The following CSMD1 variants were observed in gnomAD, a reference collection of about 807,000 sequenced individuals.
CSMD1 encodes the protein CUB and Sushi multiple domains 1.
CSMD1 carries 213 observed loss-of-function variants against 417.5 expected under a neutral mutation model. The observed-to-expected ratio is 0.51, with a 90% confidence interval of 0.46 to 0.57. The LOEUF (loss-of-function observed/expected upper bound fraction) is 0.57, where lower values mean the gene tolerates loss of function less well. CSMD1 is among the 20% of genes least tolerant of loss of function. CSMD1 has a pLI of 0.00. For synonymous variants in CSMD1, 2,862 were observed against 1,736.8 expected, an observed-to-expected ratio of 1.65 and a Z score of -16.11; for missense variants, 6,923 against 4,529.7, an observed-to-expected ratio of 1.53 and a Z score of -15.17.
At chr8:4,669,081 G>A (rs1463695347) in intron 1 of CSMD1, among the ~76,000 whole-genome samples, 1 of 152,022 alleles carries the variant, frequency 6.6e-6, no homozygotes, top group Non-Finnish European at 1.5e-5. Flanking sequence ...AATTTTTACA[G>A]ACTTATAAAG....
intron 1 of CSMD1, among the ~76,000 whole-genome samples, chr8:4,987,145 A>G (rs1202972310): frequency 1.3e-5 from 2 of 152,180 alleles, no homozygotes; most frequent in Non-Finnish European, 2.9e-5. Flanking sequence ...TATCAGAATT[A>G]CCTGGGATGG....
At chr8:4,935,127 C>A (rs953796645) in intron 1 of CSMD1, among the ~76,000 whole-genome samples, 1 of 152,244 alleles carries the variant, frequency 6.6e-6, no homozygotes. Context: ...TAGCTCACCA[C>A]TTTCAATATG....
At chr8:3,727,536 GT>G (rs1563315945) in intron 6 of CSMD1, among the ~76,000 whole-genome samples, 1 of 152,190 alleles carries the variant, frequency 6.6e-6, no homozygotes, top group East Asian at 1.9e-4. Flanking sequence ...TGAGGCAGCT[GT>G]CGTGAAAAAA....
rs142434833 is a variant in CSMD1, at chr8:4,423,523, C to T, written c.303-3458G>A. 1.0e-3 allele frequency among the ~76,000 whole-genome samples: 156 copies of T among 152,020 alleles called. 1 individual carries two copies. Among genetic ancestry groups the T allele is most frequent in the African/African-American group, 3.6e-3 (151 of 41,508 alleles). The stretch of plus-strand genomic sequence containing the variant: ...GCCCAACAGTGTATACAGAAAAGTA[C>T]ACAACACTGAAGAAAAAGTTCAAAG... On this transcript the variant is annotated intron_variant, in intron 2 of 69. Transcript: ENST00000635120.
chr8:3,572,236 T>G (rs1799974954), intron 10 of CSMD1, among the ~76,000 whole-genome samples: 2 of 152,008 alleles, frequency 1.3e-5, no homozygotes, highest in Admixed American at 1.3e-4. Context: ...TGGGGCTGTG[T>G]CAAAAGGAGG....
At chr8:3,747,494 TTTG>T (rs201387203) in intron 6 of CSMD1, among the ~76,000 whole-genome samples, 31 of 132,054 alleles carry the variant, frequency 2.3e-4, no homozygotes, top group Non-Finnish European at 2.6e-4. Context: ...AAATCATACG[TTTG>T]TTTTTTTTCC....
At chr8:3,101,801 T>A (rs913694818) in intron 46 of CSMD1, among the ~76,000 whole-genome samples, 1 of 14,280 alleles carries the variant, frequency 7.0e-5, no homozygotes, top group Admixed American at 1.3e-3. Context: ...TTCTTTTTCT[T>A]TTTTTTTTTT....
chr8:3,169,871 T>G (rs1239354948), intron 37 of CSMD1, among the ~76,000 whole-genome samples: 7 of 152,170 alleles, frequency 4.6e-5, no homozygotes, highest in Admixed American at 1.3e-4. Flanking sequence ...CAGCTCACAT[T>G]CCTTTCCTGA....
chr8:3,458,167 T>G (rs569718400), intron 12 of CSMD1, among the ~76,000 whole-genome samples: 26 of 152,162 alleles, frequency 1.7e-4, no homozygotes, highest in African/African-American at 6.0e-4. Flanking sequence ...ATGTAATCTG[T>G]GAGGATACAT....
chr8:3,245,221 C>T (rs1468251625), intron 26 of CSMD1, among the ~76,000 whole-genome samples: 3 of 152,114 alleles, frequency 2.0e-5, no homozygotes. Flanking sequence ...AGTAGTTGTC[C>T]TTGAGTCCTC....
At chr8:4,617,235 A>C (rs1801521966) in intron 2 of CSMD1, among the ~76,000 whole-genome samples, 1 of 152,216 alleles carries the variant, frequency 6.6e-6, no homozygotes. Flanking sequence ...AATAAAGAAA[A>C]TATAAATAAA....
chr8:4,361,995 T>C (rs10098903), intron 3 of CSMD1, among the ~76,000 whole-genome samples: 1 of 151,070 alleles, frequency 6.6e-6, no homozygotes, highest in Admixed American at 6.6e-5. Flanking sequence ...TAAATAAAGT[T>C]TCCTATCCTT....
At chr8:4,172,845 T>G (rs1797842887) in intron 3 of CSMD1, among the ~76,000 whole-genome samples, 1 of 152,094 alleles carries the variant, frequency 6.6e-6, no homozygotes, top group African/African-American at 2.4e-5. Context: ...GACTGAGGGC[T>G]GTCCACAGCC....
At chr8:3,292,821 T>C (rs1032225021) in intron 25 of CSMD1, among the ~76,000 whole-genome samples, 2 of 152,178 alleles carry the variant, frequency 1.3e-5, no homozygotes, top group African/African-American at 4.8e-5. Flanking sequence ...ATTTAGCCCA[T>C]TTACATTTAA....
At chr8:3,858,189 T>C (rs1804447970) in intron 5 of CSMD1, among the ~76,000 whole-genome samples, 1 of 152,212 alleles carries the variant, frequency 6.6e-6, no homozygotes, top group Non-Finnish European at 1.5e-5. Flanking sequence ...TTTTTGACTC[T>C]CTATTTCCAT....
At chr8:3,264,398 T>C (rs1385514391) in intron 26 of CSMD1, among the ~76,000 whole-genome samples, 1 of 152,148 alleles carries the variant, frequency 6.6e-6, no homozygotes, top group Non-Finnish European at 1.5e-5. Context: ...AAGTCAAAAT[T>C]CCACTCGCTA....
At chr8:3,307,032 TA>T (rs34805320) in intron 25 of CSMD1, among the ~76,000 whole-genome samples, 61,662 of 151,934 alleles carry the variant, frequency 0.41, 13,114 homozygotes, top group Non-Finnish European at 0.46. Flanking sequence ...TACTTTGGTA[TA>T]ATTGCAAAAT....
intron 5 of CSMD1, among the ~76,000 whole-genome samples, chr8:3,968,889 T>A (rs537701887): frequency 6.6e-6 from 1 of 152,338 alleles, no homozygotes; most frequent in Non-Finnish European, 1.5e-5. Context: ...GAAAGATTCA[T>A]GTAATTCAGA....
At chr8:3,729,328 C>T (rs868841107) in intron 6 of CSMD1, among the ~76,000 whole-genome samples, 15 of 152,146 alleles carry the variant, frequency 9.9e-5, no homozygotes, top group Non-Finnish European at 1.9e-4. Context: ...GGGTGGGCTT[C>T]GGAGTGAGAC....
Sources: allele counts gnomAD v4.1 joint callset (sites outside exome capture counted in the v4.1 genomes callset), GRCh38; gene constraint gnomAD v4.1.1; transcripts MANE v1.5; gene names NCBI Gene and HGNC (gene_info 2026-07-23, HGNC 2026-07-21).